The following FSTL1 variants were observed in gnomAD, a reference collection of about 807,000 sequenced individuals.
The protein encoded by FSTL1 is follistatin-related protein 1.
Under a neutral mutation model 45.9 loss-of-function variants are expected in FSTL1, and 24 were observed. The observed-to-expected ratio is 0.52, with a 90% confidence interval of 0.38 to 0.74. The LOEUF is 0.74. FSTL1 is among the 30% of genes least tolerant of loss of function. The probability of loss-of-function intolerance (pLI) is 0.00; values close to 1 mark genes in which losing one functional copy is unlikely to be tolerated. For synonymous variants in FSTL1, 120 were observed against 137.6 expected, an observed-to-expected ratio of 0.87 and a Z score of 0.89; for missense variants, 340 against 381.8, an observed-to-expected ratio of 0.89 and a Z score of 0.91.
chr3:120,402,598 A>T (rs954557756), intron 9 of FSTL1, among the ~76,000 whole-genome samples: 1 of 151,920 alleles, frequency 6.6e-6, no homozygotes, highest in African/African-American at 2.4e-5. Context: ...AAGCCTCTGG[A>T]GTGATTTTCA....
At chr3:120,434,012 T>C (rs1169219333) in intron 2 of FSTL1, among the ~76,000 whole-genome samples, 2 of 152,072 alleles carry the variant, frequency 1.3e-5, no homozygotes, top group Non-Finnish European at 2.9e-5. Flanking sequence ...GCTCAGGGAG[T>C]GGCATGATCA....
chr3:120,413,744 G>A (rs986418140), intron 3 of FSTL1, among the ~76,000 whole-genome samples: 9 of 146,744 alleles, frequency 6.1e-5, no homozygotes, highest in Non-Finnish European at 1.3e-4. Flanking sequence ...TTTATCAAAG[G>A]CTCTCTTTGT....
intron 2 of FSTL1, chr3:120,423,951 C>T (rs1243497565): frequency 6.6e-6 from 1 of 152,228 alleles, no homozygotes; most frequent in Non-Finnish European, 1.5e-5. Flanking sequence ...ATTTTCTCCT[C>T]TCCAATTGTC....
At chr3:120,422,975 C>CT (rs1464461361) in intron 2 of FSTL1, among the ~76,000 whole-genome samples, 1 of 152,210 alleles carries the variant, frequency 6.6e-6, no homozygotes, top group Non-Finnish European at 1.5e-5. Context: ...GATTACAAGC[C>CT]TAAGCCACTG....
intron 9 of FSTL1, among the ~76,000 whole-genome samples, chr3:120,400,965 A>C (rs999624124): frequency 6.6e-6 from 1 of 152,222 alleles, no homozygotes; most frequent in Admixed American, 6.5e-5. Flanking sequence ...GAAATGGGCA[A>C]CATCCCATGA....
chr3:120,402,016 C>T (rs1023963941), intron 9 of FSTL1, among the ~76,000 whole-genome samples: 1 of 152,182 alleles, frequency 6.6e-6, no homozygotes, highest in East Asian at 1.9e-4. Flanking sequence ...TTTGCTAGGG[C>T]TCGGCTTTAA....
Position 120,450,883 on chromosome 3 carries a change from C to T in FSTL1, c.-1+14G>A. 1.8e-6 allele frequency: 1 copy of T among 565,562 alleles called. No individual in the cohort carries two copies. Among genetic ancestry groups the T allele is most frequent in the Non-Finnish European group, 3.0e-6 (1 of 334,324 alleles). 35.0% of individuals were successfully genotyped at this position (565,562 alleles called of 1,614,324 possible). A position where few individuals can be genotyped will look rare whatever the true frequency, so the allele number is the denominator to read the frequency against. On this transcript the variant is annotated intron_variant, in intron 1 of 10. Transcript: ENST00000295633. ...CGAAGAGTCCGGCCTCCGCGCCGTG[C>T]GCCCTGCGCTCACCGTGGTCTGGTC...
In FSTL1 at chr3:120,450,750, C is replaced by T. The variant is rs1160769272; in HGVS notation, c.1-4G>A. Reference sequence around the variant, plus strand: ...GCGCGAGCCAGCGTTTCCACATCTGCGGAAGAGAGAAGAGAGCGAGTCTGA... The same window carrying T: ...GCGCGAGCCAGCGTTTCCACATCTGTGGAAGAGAGAAGAGAGCGAGTCTGA... On this transcript the variant is annotated splice_polypyrimidine_tract_variant and splice_region_variant and intron_variant, in intron 1 of 10. Coordinates refer to ENST00000295633, the MANE Select transcript of FSTL1 (RefSeq NM_007085.5). 5 of 1,577,588 alleles carry T rather than the reference C, an allele frequency of 3.2e-6. No individual in the cohort carries two copies. The highest frequency in any genetic ancestry group is 4.3e-6 in the Non-Finnish European group (5 of 1,168,578).
chr3:120,412,846 A>ACG (rs1559737124), intron 3 of FSTL1, among the ~76,000 whole-genome samples: 1 of 149,182 alleles, frequency 6.7e-6, no homozygotes, highest in Non-Finnish European at 1.5e-5. Flanking sequence ...GCGCACACAC[A>ACG]CACACACACA....
Position 120,413,052 on chromosome 3 carries a change from T to C in FSTL1, c.169-1069A>G, listed in dbSNP as rs1219084759. Among the ~76,000 whole-genome samples, 34 of 152,210 alleles carry C rather than the reference T, an allele frequency of 2.2e-4. 1 individual carries two copies. The highest frequency in any genetic ancestry group is 2.2e-3 in the Admixed American group (33 of 15,288). ...ACAGGGAAATGGAACAAAGTTCATA[T>C]GGCAACTAGGTTATGCTTTGGCTGC... On this transcript the variant is annotated intron_variant, in intron 3 of 10. Coordinates refer to ENST00000295633, the MANE Select transcript of FSTL1 (RefSeq NM_007085.5).
chr3:120,423,212 G>C (rs1576219507), intron 2 of FSTL1: 2 of 152,056 alleles, frequency 1.3e-5, no homozygotes, highest in African/African-American at 4.8e-5. Flanking sequence ...TCAGACTGAA[G>C]AATCTAGGTT....
chr3:120,421,086 G>C (rs1030363865), intron 2 of FSTL1: 4 of 152,128 alleles, frequency 2.6e-5, no homozygotes, highest in Non-Finnish European at 4.4e-5. Flanking sequence ...AATACACGTT[G>C]AATGTTTAAA....
intron 2 of FSTL1, among the ~76,000 whole-genome samples, chr3:120,435,723 C>T (rs1438052158): frequency 3.9e-5 from 6 of 152,344 alleles, no homozygotes; most frequent in East Asian, 1.9e-4. Flanking sequence ...GAAGTCTTTA[C>T]ATTCCAGGCC....
intron 3 of FSTL1, among the ~76,000 whole-genome samples, chr3:120,412,239 C>T (rs192325384): frequency 9.3e-4 from 141 of 152,300 alleles, no homozygotes; most frequent in Non-Finnish European, 1.6e-3. Context: ...AAGAGACACC[C>T]TCTATAGTTT....
At chr3:120,420,664 C>T (rs1191196113) in intron 2 of FSTL1, among the ~76,000 whole-genome samples, 1 of 152,218 alleles carries the variant, frequency 6.6e-6, no homozygotes, top group Non-Finnish European at 1.5e-5. Context: ...AATATTCATA[C>T]TTGCACAGCA....
chr3:120,403,242 T>C lies in FSTL1; in HGVS notation c.694A>G (p.Lys232Glu). Residue 232 changes from lysine to glutamate, a missense_variant and splice_region_variant, in exon 8 of 11, where the codon AAG becomes GAG. By Grantham distance (56) the Lys-to-Glu change is moderately conservative (BLOSUM62 1). Coordinates refer to ENST00000295633, the MANE Select transcript of FSTL1 (RefSeq NM_007085.5). Reference protein sequence around the residue: ...LNPSFNPPEKKCALEDETYAD... With the variant: ...LNPSFNPPEKECALEDETYAD... ...TCTCTATTTCTTAGGTTAGGCATACTCTTCTCAGGAGGGTTGAAAGATGGG... is the reference window on the plus strand; with the variant it reads ...TCTCTATTTCTTAGGTTAGGCATACCCTTCTCAGGAGGGTTGAAAGATGGG... The C allele has an allele frequency of 6.5e-7, 1 of 1,529,876 alleles. No homozygotes were observed. The highest frequency in any genetic ancestry group is 2.2e-5 in the East Asian group (1 of 44,506). 94.8% of individuals were successfully genotyped at this position (1,529,876 alleles called of 1,614,324 possible). A position where few individuals can be genotyped will look rare whatever the true frequency, so the allele number is the denominator to read the frequency against.
chr3:120,432,777 G>A (rs539537568), intron 2 of FSTL1, among the ~76,000 whole-genome samples: 2 of 152,294 alleles, frequency 1.3e-5, no homozygotes, highest in East Asian at 3.9e-4. Context: ...GTATGCTATG[G>A]TAAGTCCGGG....
chr3:120,450,803 A>G, intron 1 of FSTL1, 57 bp from the exon 2 acceptor site: 1 of 1,319,860 alleles, frequency 7.6e-7, no homozygotes, highest in East Asian at 2.9e-5. Flanking sequence ...CTGACCTGGG[A>G]AACTTGCTCG....
intron 3 of FSTL1, among the ~76,000 whole-genome samples, chr3:120,412,832 GCGCGCGCACA>G (rs747776897): frequency 0.015 from 1,914 of 128,448 alleles, 14 homozygotes; most frequent in South Asian, 0.022. Context: ...GCGCGCGCGC[GCGCGCGCACA>G]CACACACACA....
Sources: allele counts gnomAD v4.1 joint callset (sites outside exome capture counted in the v4.1 genomes callset), GRCh38; gene constraint gnomAD v4.1.1; transcripts MANE v1.5; gene names NCBI Gene and HGNC (gene_info 2026-07-23, HGNC 2026-07-21).